PARD6G: variants seen among roughly 807,000 people sequenced by gnomAD.
PARD6G encodes par-6 family cell polarity regulator gamma, also known as partitioning defective 6 homolog gamma.
Under a neutral mutation model 10.7 loss-of-function variants are expected in PARD6G, and 7 were observed. The observed-to-expected ratio is 0.66, with a 90% CI of 0.37 to 1.23. The LOEUF (loss-of-function observed/expected upper bound fraction) is 1.23, where lower values mean the gene tolerates loss of function less well. Among genes scored for constraint, PARD6G ranks in the 50% most tolerant of loss-of-function variants. PARD6G has a pLI of 0.02. For synonymous variants in PARD6G, 287 were observed against 269.4 expected (o/e 1.07, Z -0.64); for missense variants, 548 against 571.8 (o/e 0.96, Z 0.42).
chr18:80,159,176 G>C lies in PARD6G; in HGVS notation c.*595C>G, dbSNP rs897553275. Reference sequence around the variant, plus strand: ...GGCTAATTTTTATATTTTTAGTAGAGACAGGGTTTCACCATGTTGGCCATG... The same window carrying C: ...GGCTAATTTTTATATTTTTAGTAGACACAGGGTTTCACCATGTTGGCCATG... On this transcript the variant is annotated 3_prime_UTR_variant, in exon 3 of 3. Transcript: ENST00000353265. 1 of 152,024 alleles carries C rather than the reference G, an allele frequency of 6.6e-6. No homozygotes were observed. The highest frequency in any genetic ancestry group is 2.4e-5 in the African/African-American group (1 of 41,366). 9.4% of individuals were successfully genotyped at this position (152,024 alleles called of 1,614,324 possible).
chr18:80,237,894 T>C (rs1163563480), intron 1 of PARD6G, among the ~76,000 whole-genome samples: 1 of 152,116 alleles, frequency 6.6e-6, no homozygotes, highest in African/African-American at 2.4e-5. Flanking sequence ...TTTACACTGT[T>C]GGTGGGACTG....
At chr18:80,239,929 G>A (rs1404602762) in intron 1 of PARD6G, among the ~76,000 whole-genome samples, 3 of 152,242 alleles carry the variant, frequency 2.0e-5, no homozygotes, top group African/African-American at 7.2e-5. Flanking sequence ...TTTCTGGGGA[G>A]GGCTTCTGGC....
At chr18:80,169,972 G>A (rs1051616308) in intron 2 of PARD6G, 3 of 152,246 alleles carry the variant, frequency 2.0e-5, no homozygotes, top group Admixed American at 2.0e-4. Flanking sequence ...CCTCGATGAC[G>A]GCATCAGGAC....
At chr18:80,163,858 T>C (rs951971848) in intron 2 of PARD6G, among the ~76,000 whole-genome samples, 9 of 152,164 alleles carry the variant, frequency 5.9e-5, no homozygotes, top group African/African-American at 2.2e-4. Context: ...ACCCTGGATG[T>C]TACATACAAA....
intron 2 of PARD6G, among the ~76,000 whole-genome samples, chr18:80,165,595 T>C (rs889816029): frequency 3.3e-5 from 5 of 152,214 alleles, no homozygotes; most frequent in East Asian, 1.9e-4. Context: ...AAAAGTATTA[T>C]TTGGGAACTG....
intron 2 of PARD6G, chr18:80,170,798 T>A (rs1449505383): frequency 6.6e-6 from 1 of 152,232 alleles, no homozygotes; most frequent in African/African-American, 2.4e-5. Context: ...AATTATTAAC[T>A]TACTTTAGGG....
intron 2 of PARD6G, among the ~76,000 whole-genome samples, chr18:80,172,379 C>CT (rs796958659): frequency 0.053 from 7,142 of 134,892 alleles, 213 homozygotes; most frequent in African/African-American, 0.07. Context: ...GGTTGTATGT[C>CT]TTTTTTTTTT....
chr18:80,191,867 C>A (rs989704357), intron 2 of PARD6G, among the ~76,000 whole-genome samples: 3 of 152,094 alleles, frequency 2.0e-5, no homozygotes, highest in Non-Finnish European at 2.9e-5. Flanking sequence ...TAGATGTATA[C>A]GTGTGATAAT....
In PARD6G at chr18:80,180,833, CAT is replaced by C. The variant is rs368295211; in HGVS notation, c.296-20229_296-20228del. The stretch of plus-strand genomic sequence containing the variant: ...GCCCCGTGGTTCTGCCCCCAGCAGA[CAT>C]GTGGTGATGTCTGGAGACATTCTAA... On this transcript the variant is annotated intron_variant, in intron 2 of 2. Transcript: ENST00000353265. This position sits in a 1 kb window ranked among gnomAD's most constrained non-coding sequence, Gnocchi z 5.6. Among the ~76,000 whole-genome samples the C allele has an allele frequency of 5.7e-3, 872 of 152,340 alleles. 4 individuals are homozygous for C. Among genetic ancestry groups the C allele is most frequent in the Middle Eastern group, 0.02 (6 of 294 alleles).
At position 80,183,225 on chromosome 18, in the gene PARD6G, C is replaced by A. The variant is rs555403236; in HGVS notation, c.295+19485G>T. The A allele has an allele frequency of 1.4e-6, 1 of 701,866 alleles. No homozygotes were observed. Among genetic ancestry groups the A allele is most frequent in the Non-Finnish European group, 2.6e-6 (1 of 384,372 alleles). 43.5% of individuals were successfully genotyped at this position (701,866 alleles called of 1,614,324 possible). On this transcript the variant is annotated intron_variant, in intron 2 of 2. Coordinates refer to ENST00000353265, the MANE Select transcript of PARD6G (RefSeq NM_032510.4). This position sits in a 1 kb window ranked among gnomAD's most constrained non-coding sequence, Gnocchi z 4.5. The stretch of plus-strand genomic sequence containing the variant: ...GGGAGAGAGAAAGCCAGAGAGACTT[C>A]TGCAAAACAAGCTGCAGATAGGCAT...
Position 80,182,978 on chromosome 18 carries a change from C to T in PARD6G, c.295+19732G>A, listed in dbSNP as rs1189269609. On this transcript the variant is annotated intron_variant, in intron 2 of 2. Transcript: ENST00000353265. This position sits in a 1 kb window ranked among gnomAD's most constrained non-coding sequence, Gnocchi z 4.5. ...CCAGACGCCCCTCCCAGTCCTCCTTCGTCCTGACGTGGCTCCCAGTGGAAT... is the reference window on the plus strand; with the variant it reads ...CCAGACGCCCCTCCCAGTCCTCCTTTGTCCTGACGTGGCTCCCAGTGGAAT... 6 of 642,328 alleles carry T rather than the reference C, an allele frequency of 9.3e-6. No homozygotes were observed. Among genetic ancestry groups the T allele is most frequent in the African/African-American group, 1.8e-5 (1 of 55,504 alleles). The allele number at this position is 642,328 out of a possible 1,614,324, so 39.8% of individuals were successfully genotyped here.
chr18:80,159,607 T>G lies in PARD6G; in HGVS notation c.*164A>C. On this transcript the variant is annotated 3_prime_UTR_variant, in exon 3 of 3. Transcript: ENST00000353265. ...TTTTAAGTTCTGTGGCGAAATTCTA[T>G]AAAAATAGGCAATACTTGTGTTTTT... 6 of 1,154,198 alleles carry G rather than the reference T, an allele frequency of 5.2e-6. No individual in the cohort carries two copies. Among genetic ancestry groups the G allele is most frequent in the Non-Finnish European group, 5.6e-6 (5 of 900,094 alleles). The allele number at this position is 1,154,198 out of a possible 1,614,324, so 71.5% of individuals were successfully genotyped here.
At chr18:80,236,690 C>G (rs1407372110) in intron 1 of PARD6G, among the ~76,000 whole-genome samples, 1 of 152,168 alleles carries the variant, frequency 6.6e-6, no homozygotes, top group Non-Finnish European at 1.5e-5. Context: ...AAATCACAAG[C>G]ATTCTTATAC....
chr18:80,174,346 GA>G (rs2052795376), intron 2 of PARD6G, among the ~76,000 whole-genome samples: 1 of 152,134 alleles, frequency 6.6e-6, no homozygotes, highest in African/African-American at 2.4e-5. Context: ...ACAGAGAGGG[GA>G]ACTGAGGCTG....
At chr18:80,204,327 C>T (rs1032870644) in intron 1 of PARD6G, among the ~76,000 whole-genome samples, 1 of 152,030 alleles carries the variant, frequency 6.6e-6, no homozygotes, top group Admixed American at 6.5e-5. Context: ...CACCTGGAGG[C>T]CCCCCAGAGT....
chr18:80,207,718 A>T (rs1967067107), intron 1 of PARD6G, among the ~76,000 whole-genome samples: 1 of 152,238 alleles, frequency 6.6e-6, no homozygotes, highest in South Asian at 2.1e-4. Flanking sequence ...CTTGCAAGCT[A>T]GAACCCTATA....
chr18:80,160,914 T>G (rs1226429068), intron 2 of PARD6G, among the ~76,000 whole-genome samples: 1 of 152,232 alleles, frequency 6.6e-6, no homozygotes. Flanking sequence ...CTTGGAGGGC[T>G]GGCGAGTGCC....
intron 1 of PARD6G, among the ~76,000 whole-genome samples, chr18:80,212,417 G>A (rs141295970): frequency 1.7e-4 from 26 of 152,302 alleles, no homozygotes; most frequent in African/African-American, 4.8e-4. Context: ...AAATGACTGC[G>A]ATAAATGCTG....
chr18:80,160,560 C>T lies in PARD6G; in HGVS notation c.342G>A (p.Arg114=). The change falls in exon 3 of 3, where the codon CGG becomes CGA. Residue 114 remains arginine (R), a synonymous_variant. Coordinates refer to ENST00000353265, the MANE Select transcript of PARD6G (RefSeq NM_032510.4). ...CACGCAGCGCGCCCAGCGCCCGCCT[C>T]CGCCTGCACAGCGAGCCCGCGCCGA... is the stretch of plus-strand genomic sequence containing the variant. ...GSLGAGSLCR[R]RRALGALRDE... 3 of 1,477,482 alleles carry T rather than the reference C, an allele frequency of 2.0e-6. No homozygotes were observed. Among genetic ancestry groups the T allele is most frequent in the Non-Finnish European group, 2.7e-6 (3 of 1,117,646 alleles). 91.5% of individuals were successfully genotyped at this position (1,477,482 alleles called of 1,614,324 possible). A position where few individuals can be genotyped will look rare whatever the true frequency, so the allele number is the denominator to read the frequency against.
Sources: gnomAD v4.1 joint callset for allele counts (sites outside exome capture counted in the v4.1 genomes callset) on GRCh38, gnomAD v4.1.1 for gene constraint, Gnocchi (gnomAD v3.1) non-coding constraint, MANE v1.5 for transcripts, NCBI Gene and HGNC (gene_info 2026-07-23, HGNC 2026-07-21) for gene names.